PELI2: variants seen among roughly 807,000 people sequenced by gnomAD.
The protein encoded by PELI2 is E3 ubiquitin-protein ligase pellino homolog 2.
PELI2 carries 23 observed loss-of-function variants against 42.3 expected under a neutral mutation model. The observed-to-expected ratio is 0.54, with a 90% CI of 0.39 to 0.77. The LOEUF (loss-of-function observed/expected upper bound fraction) is 0.77. PELI2 is among the 30% of genes least tolerant of loss of function. The pLI is 0.00. For synonymous variants in PELI2, 245 were observed against 212.2 expected, an observed-to-expected ratio of 1.15 and a Z score of -1.34; for missense variants, 463 against 553.2, an observed-to-expected ratio of 0.84 and a Z score of 1.64.
rs1038900772 is a variant in PELI2, at chr14:56,288,709, A to AG, written c.507+75_507+76insG. 170 of 1,227,990 alleles carry AG rather than the reference A, an allele frequency of 1.4e-4. No homozygotes were observed. Among genetic ancestry groups the AG allele is most frequent in the African/African-American group, 3.5e-4 (23 of 66,146 alleles). 76.1% of individuals were successfully genotyped at this position (1,227,990 alleles called of 1,614,324 possible). ...TGATATGGAACATTTAATTGGAGCA[A>AG]AAAAAAATTGGCTTTGTATGTTGCC... On this transcript the variant is annotated intron_variant, in intron 4 of 5. Transcript: ENST00000267460. The surrounding 1 kb of genome is among the most constrained non-coding windows in gnomAD (Gnocchi z 4.6).
chr14:56,274,006 A>G (rs1889199751), intron 2 of PELI2, among the ~76,000 whole-genome samples: 1 of 152,182 alleles, frequency 6.6e-6, no homozygotes, highest in South Asian at 2.1e-4. Flanking sequence ...ACATCATGTC[A>G]TATTTTAGTG....
In PELI2 at chr14:56,288,553, G is replaced by A. The variant is rs751109248; in HGVS notation, c.426G>A (p.Arg142=). 1.2e-6 allele frequency: 2 copies of A among 1,614,088 alleles called. No homozygotes were observed. The highest frequency in any genetic ancestry group is 3.3e-5 in the Admixed American group (2 of 60,024). ...GCACCATATCCAGGTTCGCCTGCAG[G>A]ATCGTGTGCGACAGGAATGAACCTT... is the stretch of plus-strand genomic sequence containing the variant. The part of the protein sequence containing the change: ...TQSTISRFAC[R]IVCDRNEPYT... The change falls in exon 4 of 6, where the codon AGG becomes AGA. Residue 142 remains arginine (R), a synonymous_variant. Coordinates refer to ENST00000267460, the MANE Select transcript of PELI2 (RefSeq NM_021255.3). The surrounding 1 kb of genome is among the most constrained non-coding windows in gnomAD (Gnocchi z 4.6).
intron 2 of PELI2, among the ~76,000 whole-genome samples, chr14:56,186,462 T>C (rs768896465): frequency 1.1e-4 from 17 of 152,210 alleles, no homozygotes; most frequent in Non-Finnish European, 2.2e-4. Context: ...CATAATACAT[T>C]AGTGTTGTTT....
In PELI2 at chr14:56,219,147, T is replaced by C. The variant is rs1303511377; in HGVS notation, c.207+40683T>C. Among the ~76,000 whole-genome samples the C allele has an allele frequency of 1.5e-5, 2 of 135,854 alleles. No homozygotes were observed. The highest frequency in any genetic ancestry group is 4.2e-4 in the East Asian group (2 of 4,730). The allele number at this position is 135,854 out of a possible 152,430, so 89.1% of individuals were successfully genotyped here. A position where few individuals can be genotyped will look rare whatever the true frequency, so the allele number is the denominator to read the frequency against. On this transcript the variant is annotated intron_variant, in intron 2 of 5. Coordinates refer to ENST00000267460, the MANE Select transcript of PELI2 (RefSeq NM_021255.3). This position sits in a 1 kb window ranked among gnomAD's most constrained non-coding sequence, Gnocchi z 4.1. ...AGTATCCTGGTCTCTTAATTCCTTT[T>C]TTATTTTTTTTTGGATGACTTGAGG...
chr14:56,289,176 A>G (rs1889743292), intron 4 of PELI2, among the ~76,000 whole-genome samples: 1 of 152,152 alleles, frequency 6.6e-6, no homozygotes, highest in Non-Finnish European at 1.5e-5. Flanking sequence ...TTTTTGCAGG[A>G]AAAAACCCAC....
At chr14:56,258,359 T>G (rs1046269498) in intron 2 of PELI2, among the ~76,000 whole-genome samples, 1 of 149,512 alleles carries the variant, frequency 6.7e-6, no homozygotes, top group East Asian at 2.0e-4. Context: ...CTCATGGAAG[T>G]AGTAAAATAA....
intron 2 of PELI2, among the ~76,000 whole-genome samples, chr14:56,224,619 T>C (rs1437946894): frequency 6.6e-6 from 1 of 152,224 alleles, no homozygotes; most frequent in African/African-American, 2.4e-5. Flanking sequence ...TTCTACCCAC[T>C]GCAGTTTGTC....
rs149628415 is a variant in PELI2, at chr14:56,258,045, C to T, written c.208-21631C>T. ...GCAATAGGCTGAACAACTTCTGTAG[C>T]TCACAAAGGACTGGGATTAGTTATG... On this transcript the variant is annotated intron_variant, in intron 2 of 5. Transcript: ENST00000267460. 1.0e-3 allele frequency among the ~76,000 whole-genome samples: 156 copies of T among 152,272 alleles called. 2 individuals carry two copies. The highest frequency in any genetic ancestry group is 3.4e-3 in the African/African-American group (141 of 41,546).
intron 2 of PELI2, among the ~76,000 whole-genome samples, chr14:56,228,499 T>A (rs182732058): frequency 1.3e-5 from 2 of 152,260 alleles, no homozygotes; most frequent in African/African-American, 4.8e-5. Flanking sequence ...TCATGTATTT[T>A]ATAATTAGGT....
At chr14:56,120,738 A>G (rs550378666) in intron 1 of PELI2, among the ~76,000 whole-genome samples, 23 of 152,296 alleles carry the variant, frequency 1.5e-4, no homozygotes, top group African/African-American at 5.5e-4. Context: ...AATAAGTGAC[A>G]ATTTCAGGTG....
rs145331105 is a variant in PELI2 at position 56,135,505 on chromosome 14, G to A, written c.77+16768G>A. Among the ~76,000 whole-genome samples the A allele has an allele frequency of 4.6e-3, 693 of 152,210 alleles. 1 individual carries two copies. The highest frequency in any genetic ancestry group is 0.016 in the African/African-American group (644 of 41,536). ...AGGATGGTAGCTCAGAGATTTTGAG[G>A]GCATGTTGGTGGTTGATGAATCAGT... On this transcript the variant is annotated intron_variant, in intron 1 of 5. Coordinates refer to ENST00000267460, the MANE Select transcript of PELI2 (RefSeq NM_021255.3).
At chr14:56,125,280 G>T (rs1004636322) in intron 1 of PELI2, among the ~76,000 whole-genome samples, 1 of 152,118 alleles carries the variant, frequency 6.6e-6, no homozygotes, top group Non-Finnish European at 1.5e-5. Context: ...ACAGACAGCT[G>T]CCCTTCCTGC....
At chr14:56,227,013 T>A (rs1046152676) in intron 2 of PELI2, among the ~76,000 whole-genome samples, 6 of 152,232 alleles carry the variant, frequency 3.9e-5, no homozygotes, top group African/African-American at 1.4e-4. Flanking sequence ...CTATAAAAGT[T>A]TAAATGTCTG....
intron 2 of PELI2, among the ~76,000 whole-genome samples, chr14:56,205,509 A>G (rs893067625): frequency 6.6e-6 from 1 of 152,184 alleles, no homozygotes. Flanking sequence ...GGACTGAAGA[A>G]GCATGAAATC....
intron 2 of PELI2, among the ~76,000 whole-genome samples, chr14:56,231,689 A>G (rs1887578193): frequency 1.3e-5 from 2 of 152,216 alleles, no homozygotes; most frequent in Non-Finnish European, 2.9e-5. Flanking sequence ...TAACATCACA[A>G]TTAGAAGAAC....
intron 2 of PELI2, among the ~76,000 whole-genome samples, chr14:56,230,639 C>G (rs1887526121): frequency 6.6e-6 from 1 of 152,122 alleles, no homozygotes; most frequent in Non-Finnish European, 1.5e-5. Flanking sequence ...CCAGCCACTG[C>G]AAAAACATGC....
chr14:56,274,203 G>GAT (rs34580608), intron 2 of PELI2, among the ~76,000 whole-genome samples: 90,296 of 151,670 alleles, frequency 0.6, 27,661 homozygotes, highest in African/African-American at 0.73. Flanking sequence ...CAGGGAAAAG[G>GAT]ACATTAGTAA....
At chr14:56,221,170 G>A (rs1281558640) in intron 2 of PELI2, among the ~76,000 whole-genome samples, 1 of 152,188 alleles carries the variant, frequency 6.6e-6, no homozygotes, top group African/African-American at 2.4e-5. Context: ...CACTTTGTGA[G>A]GCACTGAATT....
At chr14:56,142,791 C>G (rs891836461) in intron 1 of PELI2, among the ~76,000 whole-genome samples, 3 of 151,846 alleles carry the variant, frequency 2.0e-5, no homozygotes, top group Non-Finnish European at 4.4e-5. Context: ...AACTACTGCC[C>G]TATTTTTTTT....
Sources: allele counts gnomAD v4.1 joint callset (sites outside exome capture counted in the v4.1 genomes callset), GRCh38; gene constraint gnomAD v4.1.1; non-coding constraint Gnocchi (gnomAD v3.1); transcripts MANE v1.5; gene names NCBI Gene and HGNC (gene_info 2026-07-23, HGNC 2026-07-21).